Variants in RORB observed in about 807,000 individuals in gnomAD.
RORB encodes nuclear receptor ROR-beta.
In RORB, 6 loss-of-function variants were observed where a neutral mutation model predicts 59.1. The observed-to-expected ratio is 0.10, with a 90% CI of 0.06 to 0.20. RORB has a LOEUF of 0.20. RORB is among the 10% of genes least tolerant of loss of function. RORB has a pLI of 1.00. For synonymous variants in RORB, 215 were observed against 204.5 expected (o/e 1.05, Z -0.44); for missense variants, 320 against 560.5 (o/e 0.57, Z 4.33).
At chr9:74,658,689 G>A (rs1016840968) in intron 4 of RORB, among the ~76,000 whole-genome samples, 3 of 151,996 alleles carry the variant, frequency 2.0e-5, no homozygotes, top group African/African-American at 7.2e-5. Flanking sequence ...CTACTGGAAA[G>A]CAAATATGTT....
chr9:74,599,942 A>G (rs1009866997), intron 1 of RORB, among the ~76,000 whole-genome samples: 4 of 152,236 alleles, frequency 2.6e-5, no homozygotes, highest in African/African-American at 9.6e-5. Flanking sequence ...GAGGACTAGC[A>G]CTAGACAAAT....
chr9:74,522,776 G>A (rs571616251), intron 1 of RORB, among the ~76,000 whole-genome samples: 1 of 151,742 alleles, frequency 6.6e-6, no homozygotes, highest in Non-Finnish European at 1.5e-5. Context: ...TCATTGTTTG[G>A]TGCTCCACTG....
chr9:74,602,030 C>T (rs1322222073), intron 1 of RORB, among the ~76,000 whole-genome samples: 2 of 152,190 alleles, frequency 1.3e-5, no homozygotes, highest in African/African-American at 4.8e-5. Flanking sequence ...ACTTCCTGCC[C>T]TCCATCATGC....
intron 1 of RORB, among the ~76,000 whole-genome samples, chr9:74,547,561 T>C (rs1427790011): frequency 1.3e-5 from 2 of 152,148 alleles, no homozygotes; most frequent in African/African-American, 4.8e-5. Context: ...ACTAAAATGA[T>C]GATATTTGTA....
intron 1 of RORB, among the ~76,000 whole-genome samples, chr9:74,573,022 T>C (rs1038133090): frequency 6.6e-6 from 1 of 152,208 alleles, no homozygotes; most frequent in African/African-American, 2.4e-5. Flanking sequence ...TTAAACTATT[T>C]TGGTAATTCG....
At chr9:74,556,464 G>A (rs1725756453) in intron 1 of RORB, among the ~76,000 whole-genome samples, 1 of 152,174 alleles carries the variant, frequency 6.6e-6, no homozygotes, top group South Asian at 2.1e-4. Context: ...GAGTTATGCA[G>A]CCAAAGAAAA....
intron 1 of RORB, among the ~76,000 whole-genome samples, chr9:74,529,429 G>T (rs142058309): frequency 1.3e-5 from 2 of 151,354 alleles, no homozygotes; most frequent in African/African-American, 4.8e-5. Context: ...CATAGTTTCT[G>T]CTCCTTGTAG....
chr9:74,657,269 G>C (rs1236157192), intron 4 of RORB, among the ~76,000 whole-genome samples: 1 of 152,010 alleles, frequency 6.6e-6, no homozygotes, highest in African/African-American at 2.4e-5. Flanking sequence ...GTTTCACCAT[G>C]TTGGCCGGGA....
chr9:74,501,521 A>C (rs1587328509), intron 1 of RORB, among the ~76,000 whole-genome samples: 1 of 152,220 alleles, frequency 6.6e-6, no homozygotes, highest in East Asian at 1.9e-4. Context: ...TTAGTAGTCC[A>C]TTAATAATTG....
chr9:74,503,282 A>C (rs1825826072), intron 1 of RORB, among the ~76,000 whole-genome samples: 1 of 152,060 alleles, frequency 6.6e-6, no homozygotes, highest in Non-Finnish European at 1.5e-5. Flanking sequence ...TACTTTGAAT[A>C]GAATCTCTGA....
intron 9 of RORB, among the ~76,000 whole-genome samples, chr9:74,673,213 T>A (rs991504050): frequency 2.0e-5 from 3 of 152,164 alleles, no homozygotes; most frequent in Non-Finnish European, 4.4e-5. Flanking sequence ...GACAATAATG[T>A]AAATATATGC....
intron 1 of RORB, among the ~76,000 whole-genome samples, chr9:74,616,790 T>G (rs111404928): frequency 6.6e-6 from 1 of 151,974 alleles, no homozygotes; most frequent in Admixed American, 6.6e-5. Flanking sequence ...TACTGTAAAA[T>G]TACATAAAAC....
intron 6 of RORB, among the ~76,000 whole-genome samples, chr9:74,664,147 TTCC>T (rs1824232339): frequency 6.6e-6 from 1 of 152,174 alleles, no homozygotes; most frequent in Non-Finnish European, 1.5e-5. Flanking sequence ...AGATAGCAGT[TTCC>T]TCATTTGTAA....
In RORB at chr9:74,497,904, G is replaced by T; in HGVS notation, c.-73G>T. On this transcript the variant is annotated 5_prime_UTR_variant, in exon 1 of 10. Coordinates refer to ENST00000376896, the MANE Select transcript of RORB (RefSeq NM_006914.4). ...CCACCTTCTTCACTCGTGCTGAGCG[G>T]GATTTTTGGGCTCTCCGGGGTTCGG... The T allele has an allele frequency of 6.3e-7, 1 of 1,583,674 alleles. No individual in the cohort carries two copies. Among genetic ancestry groups the T allele is most frequent in the Non-Finnish European group, 8.6e-7 (1 of 1,161,040 alleles).
chr9:74,531,484 A>G (rs763612570), intron 1 of RORB, among the ~76,000 whole-genome samples: 4 of 152,108 alleles, frequency 2.6e-5, no homozygotes, highest in South Asian at 2.1e-4. Context: ...TTCCCATTTC[A>G]GAAATACCAA....
chr9:74,673,615 T>A (rs1824385258), intron 9 of RORB, among the ~76,000 whole-genome samples: 1 of 152,108 alleles, frequency 6.6e-6, no homozygotes, highest in African/African-American at 2.4e-5. Flanking sequence ...GTATGTGAGG[T>A]AGGAAGAAGG....
At position 74,665,672 on chromosome 9, in the gene RORB, A is replaced by G. The variant is rs1824253024; in HGVS notation, c.1000+77A>G. 1.3e-5 allele frequency: 12 copies of G among 902,756 alleles called. No individual in the cohort carries two copies. In the South Asian group the frequency reaches 1.7e-4, roughly 13 times the overall value. The allele number at this position is 902,756 out of a possible 1,614,324, so 55.9% of individuals were successfully genotyped here. ...CCACTTAGATTGAAATTGGTAAATG[A>G]AATGCCTTGATTCTTTGATGTGAAC... On this transcript the variant is annotated intron_variant, in intron 7 of 9. Coordinates refer to ENST00000376896, the MANE Select transcript of RORB (RefSeq NM_006914.4).
At chr9:74,622,519 ATTTTTTTTTTT>A (rs33946613) in intron 1 of RORB, among the ~76,000 whole-genome samples, 1 of 74,142 alleles carries the variant, frequency 1.3e-5, no homozygotes, top group Non-Finnish European at 2.3e-5. Context: ...TACAACCCAG[ATTTTTTTTTTT>A]TTTTTTTTTT....
intron 1 of RORB, among the ~76,000 whole-genome samples, chr9:74,620,116 G>A (rs1179434955): frequency 6.6e-6 from 1 of 152,160 alleles, no homozygotes; most frequent in African/African-American, 2.4e-5. Context: ...CAGAAGGAAT[G>A]GTACCAGCTC....
Sources: allele counts gnomAD v4.1 joint callset (sites outside exome capture counted in the v4.1 genomes callset), GRCh38; gene constraint gnomAD v4.1.1; transcripts MANE v1.5; gene names NCBI Gene and HGNC (gene_info 2026-07-23, HGNC 2026-07-21).